DIP2C: variants seen among roughly 807,000 people sequenced by gnomAD.
DIP2C encodes DIP2 acetate--CoA ligase C (putative), also known as disco-interacting protein 2 homolog C.
Under a neutral mutation model 192.4 loss-of-function variants are expected in DIP2C, and 33 were observed. That is an observed-to-expected ratio of 0.17 (90% CI 0.13 to 0.23). DIP2C has a LOEUF of 0.23. Ranked by LOEUF, DIP2C falls within the 10% of genes least tolerant of loss-of-function variation. The pLI, the probability that DIP2C is intolerant of heterozygous loss-of-function variation, is 1.00. For synonymous variants in DIP2C, 979 were observed against 864.1 expected (o/e 1.13, Z -2.33); for missense variants, 1,537 against 2,110.1 (o/e 0.73, Z 5.32).
intron 34 of DIP2C, among the ~76,000 whole-genome samples, chr10:283,754 A>G (rs908614536): frequency 6.6e-6 from 1 of 152,330 alleles, no homozygotes; most frequent in Non-Finnish European, 1.5e-5. Flanking sequence ...TCAAATGAAC[A>G]AAGTCACACT....
At chr10:344,968 G>A (rs1305399979) in intron 27 of DIP2C, 31 bp downstream of exon 27, 2 of 1,607,916 alleles carry the variant, frequency 1.2e-6, no homozygotes, top group Non-Finnish European at 1.7e-6. Flanking sequence ...AAGGCCGTGA[G>A]CAAACCACCT....
chr10:623,936 T>C (rs1181350689), intron 1 of DIP2C, among the ~76,000 whole-genome samples: 1 of 152,140 alleles, frequency 6.6e-6, no homozygotes, highest in Non-Finnish European at 1.5e-5. Flanking sequence ...GATTATACAG[T>C]CATTAAAAAT....
intron 29 of DIP2C, among the ~76,000 whole-genome samples, chr10:339,687 A>G (rs528309775): frequency 2.0e-5 from 3 of 152,304 alleles, no homozygotes; most frequent in Admixed American, 6.5e-5. Context: ...GCGATTTTCC[A>G]AGAAAAAAAA....
At chr10:412,253 A>T (rs988991957) in intron 8 of DIP2C, among the ~76,000 whole-genome samples, 3 of 152,228 alleles carry the variant, frequency 2.0e-5, no homozygotes, top group African/African-American at 7.2e-5. Flanking sequence ...TGCATACTGC[A>T]TGCTTAAAAC....
At chr10:357,569 T>A (rs1003764185) in intron 23 of DIP2C, among the ~76,000 whole-genome samples, 7 of 152,190 alleles carry the variant, frequency 4.6e-5, no homozygotes, top group Admixed American at 3.9e-4. Flanking sequence ...ATTTTTCTTA[T>A]GAAATTATAT....
At chr10:559,515 A>G (rs1196369875) in intron 1 of DIP2C, among the ~76,000 whole-genome samples, 7 of 152,182 alleles carry the variant, frequency 4.6e-5, no homozygotes, top group Non-Finnish European at 1.0e-4. Context: ...TCATGTTAAA[A>G]TCAACAACTA....
chr10:537,789 G>A (rs1215400665), intron 1 of DIP2C, among the ~76,000 whole-genome samples: 1 of 144,628 alleles, frequency 6.9e-6, no homozygotes, highest in Admixed American at 6.7e-5. Context: ...TCTTTCGTCT[G>A]CGAATTTTTT....
chr10:491,267 C>G (rs1844428095), intron 1 of DIP2C, among the ~76,000 whole-genome samples: 1 of 152,252 alleles, frequency 6.6e-6, no homozygotes, highest in Non-Finnish European at 1.5e-5. Context: ...CACAGACCCA[C>G]TCGGCAGTGG....
Position 344,974 on chromosome 10 carries a change from C to T in DIP2C, c.3343+25G>A, listed in dbSNP as rs781038804. On this transcript the variant is annotated intron_variant, in intron 27 of 36. Transcript: ENST00000280886. ...AGCCTGAGCAAGGCCGTGAGCAAACCACCTTCTGCAGCTAAAGCACCAACC... is the reference window on the plus strand; with the variant it reads ...AGCCTGAGCAAGGCCGTGAGCAAACTACCTTCTGCAGCTAAAGCACCAACC... The T allele has an allele frequency of 3.7e-6, 6 of 1,608,930 alleles. No homozygotes were observed. The South Asian group carries it at 6.7e-5, about 18-fold the overall frequency.
chr10:640,416 C>G (rs1247279572), intron 1 of DIP2C, among the ~76,000 whole-genome samples: 1 of 152,236 alleles, frequency 6.6e-6, no homozygotes, highest in African/African-American at 2.4e-5. Context: ...GGGTGGGTCG[C>G]CAGAGCTGGG....
intron 1 of DIP2C, among the ~76,000 whole-genome samples, chr10:537,560 C>A (rs1388210521): frequency 6.6e-6 from 1 of 151,838 alleles, no homozygotes; most frequent in Non-Finnish European, 1.5e-5. Context: ...AGCATCCTGC[C>A]CCCCGTCCCC....
At chr10:586,359 ACAG>A (rs1216886132) in intron 1 of DIP2C, among the ~76,000 whole-genome samples, 2 of 152,166 alleles carry the variant, frequency 1.3e-5, no homozygotes, top group Non-Finnish European at 2.9e-5. Context: ...CAGCCACTGA[ACAG>A]CAGTTTTCCA....
intron 10 of DIP2C, among the ~76,000 whole-genome samples, chr10:397,847 AT>A (rs1362102118): frequency 4.6e-5 from 7 of 152,230 alleles, no homozygotes; most frequent in African/African-American, 1.7e-4. Flanking sequence ...AGCCAAGGAC[AT>A]TCCAAAGTTA....
At chr10:454,445 G>A (rs575025195) in intron 3 of DIP2C, among the ~76,000 whole-genome samples, 1 of 152,252 alleles carries the variant, frequency 6.6e-6, no homozygotes, top group South Asian at 2.1e-4. Flanking sequence ...CTCAGAGAAA[G>A]AGGTAGTATA....
intron 3 of DIP2C, among the ~76,000 whole-genome samples, chr10:468,358 G>A (rs1018191585): frequency 1.8e-4 from 27 of 152,236 alleles, no homozygotes; most frequent in African/African-American, 6.3e-4. Flanking sequence ...ACACATAAAG[G>A]GGAGTTGCTC....
intron 1 of DIP2C, among the ~76,000 whole-genome samples, chr10:617,770 A>G (rs705473): frequency 0.99 from 149,284 of 151,486 alleles, 73,595 homozygotes; most frequent in Middle Eastern, 1. Flanking sequence ...GACCTGCCAC[A>G]CAGGGCAACC....
intron 1 of DIP2C, among the ~76,000 whole-genome samples, chr10:574,032 T>A (rs1849990555): frequency 6.6e-6 from 1 of 152,216 alleles, no homozygotes; most frequent in East Asian, 1.9e-4. Flanking sequence ...CTACTCAAAT[T>A]AAGTATCTTG....
chr10:675,320 A>G (rs1331677654), intron 1 of DIP2C, among the ~76,000 whole-genome samples: 1 of 152,052 alleles, frequency 6.6e-6, no homozygotes, highest in Non-Finnish European at 1.5e-5. Flanking sequence ...ATAGCAATAA[A>G]CTCCTACATT....
intron 31 of DIP2C, among the ~76,000 whole-genome samples, chr10:319,243 A>G (rs892305900): frequency 2.0e-5 from 3 of 152,102 alleles, no homozygotes; most frequent in Non-Finnish European, 4.4e-5. Context: ...GACTCCTTCT[A>G]TTACTAGGGG....
Sources: allele counts gnomAD v4.1 joint callset (sites outside exome capture counted in the v4.1 genomes callset), GRCh38; gene constraint gnomAD v4.1.1; transcripts MANE v1.5; gene names NCBI Gene and HGNC (gene_info 2026-07-23, HGNC 2026-07-21).